Variants in PIK3R3 observed in about 807,000 individuals in gnomAD.
PIK3R3 encodes phosphatidylinositol 3-kinase regulatory subunit gamma.
In PIK3R3, 64 loss-of-function variants were observed where a neutral mutation model predicts 62.9. That is an observed-to-expected ratio of 1.02 (90% CI 0.83 to 1.25). PIK3R3 has a LOEUF of 1.25. Ranked by LOEUF, PIK3R3 falls within the 50% of genes most tolerant of loss-of-function variation. The pLI, the probability that PIK3R3 is intolerant of heterozygous loss-of-function variation, is 0.00. For missense variants in PIK3R3, 614 were observed against 561.6 expected (o/e 1.09, Z -0.94); for synonymous variants, 165 against 189.0 (o/e 0.87, Z 1.04).
At chr1:46,135,167 G>A (rs1160409470), upstream of PIK3R3, among the ~76,000 whole-genome samples, 2 of 152,144 alleles carry the variant, frequency 1.3e-5, no homozygotes, top group African/African-American at 2.4e-5. Flanking sequence ...TCACCAAACT[G>A]CCCCAGGCTC....
intron 9 of PIK3R3, 58 bp downstream of exon 9, chr1:46,045,860 A>C: frequency 6.8e-7 from 1 of 1,460,460 alleles, no homozygotes; most frequent in Non-Finnish European, 9.6e-7. Flanking sequence ...TGAGGGGTTG[A>C]TTTTATAATA....
chr1:46,118,862 CT>C (rs995298588), intron 1 of PIK3R3, among the ~76,000 whole-genome samples: 3 of 151,848 alleles, frequency 2.0e-5, no homozygotes, highest in African/African-American at 7.3e-5. Context: ...AGCCACTTGT[CT>C]TTTTTTACTA....
the PIK3R3 span, among the ~76,000 whole-genome samples, chr1:46,162,474 T>G: frequency 2.6e-5 from 4 of 151,936 alleles, no homozygotes; most frequent in African/African-American, 9.7e-5. Flanking sequence ...CCATCTCAAA[T>G]AAATAAATTA....
the PIK3R3 span, among the ~76,000 whole-genome samples, chr1:46,160,980 T>C: frequency 2.0e-5 from 3 of 152,150 alleles, no homozygotes; most frequent in Admixed American, 2.0e-4. Flanking sequence ...AAGGAGATAG[T>C]CTGATCAGTA....
chr1:46,061,262 C>T (rs1648453897), intron 6 of PIK3R3, among the ~76,000 whole-genome samples: 1 of 152,200 alleles, frequency 6.6e-6, no homozygotes, highest in African/African-American at 2.4e-5. Flanking sequence ...TGACTTCTCC[C>T]ACACCTACCA....
chr1:46,048,476 G>A (rs375044686), intron 7 of PIK3R3: 12 of 152,184 alleles, frequency 7.9e-5, no homozygotes, highest in East Asian at 1.9e-4. Flanking sequence ...ACACCATCGC[G>A]TCTGTCATCA....
chr1:46,107,146 A>G (rs1427835392), intron 1 of PIK3R3, among the ~76,000 whole-genome samples: 1 of 152,096 alleles, frequency 6.6e-6, no homozygotes, highest in East Asian at 1.9e-4. Flanking sequence ...ACTTGAGGTC[A>G]GGAATTCCAG....
chr1:46,101,980 C>T (rs1431998545), intron 1 of PIK3R3, among the ~76,000 whole-genome samples: 40 of 89,930 alleles, frequency 4.4e-4, no homozygotes, highest in East Asian at 7.0e-4. Flanking sequence ...GAATTGTATA[C>T]TTTTTTTTTT....
intron 2 of PIK3R3, among the ~76,000 whole-genome samples, chr1:46,079,315 T>A (rs1650363959): frequency 6.6e-6 from 1 of 152,196 alleles, no homozygotes; most frequent in African/African-American, 2.4e-5. Context: ...AAATTAAATG[T>A]ATATAATTCC....
chr1:46,080,512 C>T, intron 2 of PIK3R3, 130 bp downstream of exon 2: 4 of 680,958 alleles, frequency 5.9e-6, no homozygotes, highest in Non-Finnish European at 1.0e-5. Flanking sequence ...TCTTCAGCCT[C>T]AGCCTCCTGA....
the PIK3R3 span, among the ~76,000 whole-genome samples, chr1:46,146,474 A>G: frequency 6.6e-6 from 1 of 152,122 alleles, no homozygotes; most frequent in Admixed American, 6.5e-5. Flanking sequence ...CATACTCAAT[A>G]TCATATCAGA....
intron 1 of PIK3R3, among the ~76,000 whole-genome samples, chr1:46,099,165 A>G (rs1311366354): frequency 2.0e-5 from 3 of 152,266 alleles, no homozygotes; most frequent in African/African-American, 7.2e-5. Context: ...ATATCATAAC[A>G]GAAAAAGTAG....
the PIK3R3 span, among the ~76,000 whole-genome samples, chr1:46,168,616 A>G: frequency 4.8e-3 from 735 of 152,362 alleles, 6 homozygotes; most frequent in Non-Finnish European, 8.8e-3. Context: ...GGCTGGAATC[A>G]GGGGATCTGA....
the PIK3R3 span, among the ~76,000 whole-genome samples, chr1:46,145,310 CA>C: frequency 1.3e-5 from 2 of 151,982 alleles, no homozygotes; most frequent in African/African-American, 2.4e-5. Flanking sequence ...TGCTTCCATC[CA>C]TCCCTGTCTT....
the PIK3R3 span, among the ~76,000 whole-genome samples, chr1:46,172,997 A>G: frequency 6.6e-6 from 1 of 152,154 alleles, no homozygotes; most frequent in South Asian, 2.1e-4. Context: ...TGTCTCAAAA[A>G]AAAAAGAAAA....
intron 3 of PIK3R3, among the ~76,000 whole-genome samples, chr1:46,074,805 A>G (rs1649918780): frequency 6.6e-6 from 1 of 152,176 alleles, no homozygotes; most frequent in South Asian, 2.1e-4. Context: ...AACGTATAGA[A>G]TTCCATCTTT....
the PIK3R3 span, among the ~76,000 whole-genome samples, chr1:46,159,192 C>T: frequency 9.9e-5 from 15 of 152,192 alleles, no homozygotes; most frequent in Non-Finnish European, 1.9e-4. Context: ...TGCTTTAACT[C>T]CATAGCACTT....
At chr1:46,085,014 T>G (rs1385711341) in intron 1 of PIK3R3, among the ~76,000 whole-genome samples, 1 of 152,176 alleles carries the variant, frequency 6.6e-6, no homozygotes, top group East Asian at 1.9e-4. Flanking sequence ...CCAGACTGCA[T>G]GAGGAAGCTG....
chr1:46,142,633 G>T, the PIK3R3 span, among the ~76,000 whole-genome samples: 1 of 152,060 alleles, frequency 6.6e-6, no homozygotes, highest in African/African-American at 2.4e-5. Flanking sequence ...GGGAGGCGGA[G>T]CTTGCAGTGA....
Sources: allele counts gnomAD v4.1 joint callset (sites outside exome capture counted in the v4.1 genomes callset), GRCh38; gene constraint gnomAD v4.1.1; transcripts MANE v1.5; gene names NCBI Gene and HGNC (gene_info 2026-07-23, HGNC 2026-07-21).